ATP13A4: variants seen among roughly 807,000 people sequenced by gnomAD.
The protein encoded by ATP13A4 is probable cation-transporting ATPase 13A4.
In ATP13A4, 114 loss-of-function variants were observed where a neutral mutation model predicts 142.5. The ratio of observed to expected loss-of-function variants is 0.80; its 90% CI spans 0.69 to 0.93. The LOEUF (loss-of-function observed/expected upper bound fraction) is 0.93. Among genes scored for constraint, ATP13A4 ranks in the 40% least tolerant of loss-of-function variants. ATP13A4 has a pLI of 0.00. For synonymous variants in ATP13A4, 488 were observed against 514.8 expected, an observed-to-expected ratio of 0.95 and a Z score of 0.70; for missense variants, 1,392 against 1,454.0, an observed-to-expected ratio of 0.96 and a Z score of 0.69.
At chr3:193,476,323 C>T (rs543815610) in intron 8 of ATP13A4, among the ~76,000 whole-genome samples, 2 of 152,082 alleles carry the variant, frequency 1.3e-5, no homozygotes, top group East Asian at 1.9e-4. Flanking sequence ...CCAAACTCTG[C>T]TAGCTTCAGA....
intron 18 of ATP13A4, among the ~76,000 whole-genome samples, chr3:193,443,847 A>T (rs185647892): frequency 3.3e-4 from 51 of 152,316 alleles, no homozygotes; most frequent in African/African-American, 1.2e-3. Context: ...CCTGAAATTT[A>T]AAAAAATCAC....
In ATP13A4 at chr3:193,438,900, A is replaced by G. The variant is rs577939873; in HGVS notation, c.2562+123T>C. The G allele has an allele frequency of 6.6e-6, 7 of 1,055,674 alleles. No homozygotes were observed. In the African/African-American group the frequency reaches 1.1e-4, roughly 16 times the overall value. 65.4% of individuals were successfully genotyped at this position (1,055,674 alleles called of 1,614,324 possible). On this transcript the variant is annotated intron_variant, in intron 22 of 29. Transcript: ENST00000342695. ...TAAATGGTATATATGCCAGGAGTAT[A>G]CCTCTAAAGGGCTCGAGTATAAATG... is the stretch of plus-strand genomic sequence containing the variant.
chr3:193,414,581 G>T lies in ATP13A4; in HGVS notation c.3012C>A (p.His1004Gln), dbSNP rs1203700821. The T allele has an allele frequency of 6.2e-7, 1 of 1,613,544 alleles. No homozygotes were observed. The highest frequency in any genetic ancestry group is 1.3e-5 in the African/African-American group (1 of 74,886). Reference sequence around the variant, plus strand: ...AGAAGCTGAGACTATACTCATACCTGTGTATCTCCACGGAATACCAAGGCT... The same window carrying T: ...AGAAGCTGAGACTATACTCATACCTTTGTATCTCCACGGAATACCAAGGCT... ...QRQPWYSVEIHSACTVQNESI... is the reference protein window; with the variant it reads ...QRQPWYSVEIQSACTVQNESI... Residue 1004 changes from histidine to glutamine, a missense_variant and splice_region_variant, in exon 26 of 30, where the codon CAC (histidine) becomes CAA (glutamine). Coordinates refer to ENST00000342695, the MANE Select transcript of ATP13A4 (RefSeq NM_032279.4).
At position 193,441,465 on chromosome 3, in the gene ATP13A4, C is replaced by A; in HGVS notation, c.2439+1G>T. 3 of 1,613,696 alleles carry A rather than the reference C, an allele frequency of 1.9e-6. No individual in the cohort carries two copies. Among genetic ancestry groups the A allele is most frequent in the East Asian group, 2.2e-5 (1 of 44,796 alleles). ...GAGATTGTCACCCTCTTAGAACTTA[C>A]CTTTGGCAGTAGGCTGCTGAAATGT... On this transcript the variant is annotated splice_donor_variant, in intron 20 of 29. Transcript: ENST00000342695. LOFTEE classifies it high-confidence loss of function.
In ATP13A4 at chr3:193,400,889, T is replaced by G. The variant is rs1236300321; in HGVS notation, c.*1763A>C. Among the ~76,000 whole-genome samples the G allele has an allele frequency of 2.0e-5, 3 of 152,240 alleles. No homozygotes were observed. The highest frequency in any genetic ancestry group is 4.4e-5 in the Non-Finnish European group (3 of 68,038). ...TGAGAAACACTTTTAGAGAAGGACA[T>G]TCAGAACTGCCATATCATTGCTGAG... is the stretch of plus-strand genomic sequence containing the variant. On this transcript the variant is annotated 3_prime_UTR_variant, in exon 30 of 30. Coordinates refer to ENST00000342695, the MANE Select transcript of ATP13A4 (RefSeq NM_032279.4).
chr3:193,580,167 A>C lies in ATP13A4; in HGVS notation n.291+1540T>G, dbSNP rs1724507471. On this transcript the variant is annotated intron_variant and non_coding_transcript_variant, in intron 2 of 3. Coordinates refer to the ATP13A4 transcript ENST00000489140. ...ATTAAGAGCTTCTTGAGAGCTGTGG[A>C]TTCCTACAACCTCTCCTGCTGATAT... Among the ~76,000 whole-genome samples the C allele has an allele frequency of 2.0e-5, 3 of 152,196 alleles. No individual in the cohort carries two copies. In the South Asian group the frequency reaches 6.2e-4, roughly 31 times the overall value.
intron 1 of ATP13A4, among the ~76,000 whole-genome samples, chr3:193,534,591 G>A (rs1339477209): frequency 1.3e-5 from 2 of 152,096 alleles, no homozygotes; most frequent in Non-Finnish European, 2.9e-5. Flanking sequence ...TTAAAACTCA[G>A]TGAATGGACT....
intron 2 of ATP13A4, 73 bp from the exon 3 acceptor site, chr3:193,502,712 T>C: frequency 1.4e-6 from 2 of 1,421,592 alleles, no homozygotes; most frequent in Non-Finnish European, 2.0e-6. Flanking sequence ...CTGAGAAACA[T>C]CATTTTAATA....
intron 19 of ATP13A4, 147 bp from the exon 20 acceptor site, chr3:193,441,735 C>T (rs1244948772): frequency 3.1e-5 from 28 of 914,842 alleles, no homozygotes; most frequent in Non-Finnish European, 4.6e-5. Flanking sequence ...TTTCTTTTTG[C>T]TGGATCAATC....
chr3:193,550,759 T>C (rs1221425100), intron 1 of ATP13A4, among the ~76,000 whole-genome samples: 4 of 152,224 alleles, frequency 2.6e-5, no homozygotes, highest in African/African-American at 4.8e-5. Context: ...TTTTGTCTTA[T>C]TTGTTAAGGC....
At chr3:193,435,592 T>C (rs1716219784) in intron 24 of ATP13A4, 56 bp downstream of exon 24, 5 of 1,346,448 alleles carry the variant, frequency 3.7e-6, no homozygotes, top group Middle Eastern at 1.8e-4. Context: ...AAATTGAGAG[T>C]GCACCGCTAC....
Position 193,457,421 on chromosome 3 carries a change from C to T in ATP13A4, c.1719G>A (p.Pro573=), listed in dbSNP as rs375966598. The T allele has an allele frequency of 8.1e-6, 13 of 1,614,062 alleles. No homozygotes were observed. Among genetic ancestry groups the T allele is most frequent in the Non-Finnish European group, 9.3e-6 (11 of 1,180,030 alleles). The change falls in exon 15 of 30, where the codon CCG becomes CCA. Residue 573 remains proline, a synonymous_variant. Coordinates refer to ENST00000342695, the MANE Select transcript of ATP13A4 (RefSeq NM_032279.4). ...AGGGCTTAACTACCATGGCATGTGCCGGCACTCCCTTGATGTGGAAATCGT... is the reference window on the plus strand; with the variant it reads ...AGGGCTTAACTACCATGGCATGTGCTGGCACTCCCTTGATGTGGAAATCGT... ...SGDDFHIKGV[P]AHAMVVKPCR... is the part of the protein sequence containing the mutation.
In ATP13A4 at chr3:193,476,594, C is replaced by T. The variant is rs1268077415; in HGVS notation, c.809-5601G>A. Reference sequence around the variant, plus strand: ...TGGCTAACTGGTGCAAGAGTCCCAGCTTTCAGTGTATCTCAGCTTTCAACA... The same window carrying T: ...TGGCTAACTGGTGCAAGAGTCCCAGTTTTCAGTGTATCTCAGCTTTCAACA... On this transcript the variant is annotated intron_variant, in intron 8 of 29. Coordinates refer to ENST00000342695, the MANE Select transcript of ATP13A4 (RefSeq NM_032279.4). Among the ~76,000 whole-genome samples, 6 of 152,126 alleles carry T rather than the reference C, an allele frequency of 3.9e-5. 1 individual carries two copies. Among genetic ancestry groups the T allele is most frequent in the African/African-American group, 1.5e-4 (6 of 41,368 alleles).
chr3:193,412,349 T>C lies in ATP13A4; in HGVS notation c.3037A>G (p.Ser1013Gly). Reference protein sequence around the residue: ...IHSACTVQNESISELTMSPTA... With the variant: ...IHSACTVQNEGISELTMSPTA... ...GGAGACATGGTTAACTCTGAGATGCTTTCATTTTGTACTGTGCAGGCACTA... is the reference window on the plus strand; with the variant it reads ...GGAGACATGGTTAACTCTGAGATGCCTTCATTTTGTACTGTGCAGGCACTA... The change falls in exon 27 of 30, where the codon AGC (serine) becomes GGC (glycine). Residue 1013 changes from serine (S) to glycine (G), a missense_variant. By Grantham distance (56) the Ser-to-Gly change is moderately conservative. Transcript: ENST00000342695. 6.2e-7 allele frequency: 1 copy of C among 1,614,168 alleles called. No individual in the cohort carries two copies.
rs1193066803 is a variant in ATP13A4 at position 193,573,306 on chromosome 3, TAC to T, written n.291+8399_291+8400del. On this transcript the variant is annotated intron_variant and non_coding_transcript_variant, in intron 2 of 3. Transcript: ENST00000489140. ...ATATATATACACATATATATATATATACATATATATATATATATATAATTTGT... is the reference window on the plus strand; with the variant it reads ...ATATATATACACATATATATATATATATATATATATATATATATAATTTGT... Among the ~76,000 whole-genome samples, 938 of 131,804 alleles carry T rather than the reference TAC, an allele frequency of 7.1e-3. 74 individuals are homozygous for T. Among genetic ancestry groups the T allele is most frequent in the African/African-American group, 0.018 (573 of 31,838 alleles). 86.5% of individuals were successfully genotyped at this position (131,804 alleles called of 152,430 possible). A position where few individuals can be genotyped will look rare whatever the true frequency, so the allele number is the denominator to read the frequency against.
At chr3:193,553,316 C>T (rs1036482105) in intron 1 of ATP13A4, 1 of 152,090 alleles carries the variant, frequency 6.6e-6, no homozygotes, top group Non-Finnish European at 1.5e-5. Context: ...CCATGAATGT[C>T]TTCTGGAAAA....
At chr3:193,455,582 G>A (rs1249955102) in intron 16 of ATP13A4, among the ~76,000 whole-genome samples, 2 of 152,182 alleles carry the variant, frequency 1.3e-5, no homozygotes, top group Non-Finnish European at 2.9e-5. Context: ...ATACACTGTT[G>A]GTGGGAGTGT....
chr3:193,483,896 C>T, intron 8 of ATP13A4, 40 bp downstream of exon 8: 1 of 1,390,386 alleles, frequency 7.2e-7, no homozygotes, highest in Admixed American at 1.7e-5. Context: ...TTTTCTGATT[C>T]CATGTGAATA....
At position 193,514,796 on chromosome 3, in the gene ATP13A4, G is replaced by C; in HGVS notation, c.136C>G (p.Leu46Val). The C allele has an allele frequency of 6.2e-7, 1 of 1,614,222 alleles. No individual in the cohort carries two copies. The highest frequency in any genetic ancestry group is 2.2e-5 in the East Asian group (1 of 44,880). ...GGTCTCCAGTAAAACACCAAGGGGA[G>C]GATTCCAAATGAGAAGATGGATCCG... ...LAGSIFSFGI[L>V]PLVFYWRPAW... is the part of the protein sequence containing the mutation. Residue 46 changes from leucine to valine, a missense_variant, in exon 2 of 30, where the codon CTC becomes GTC. Physicochemically the swap from Leu to Val is conservative, Grantham distance 32. Transcript: ENST00000342695.
Sources: allele counts gnomAD v4.1 joint callset (sites outside exome capture counted in the v4.1 genomes callset), GRCh38; gene constraint gnomAD v4.1.1; transcripts MANE v1.5; gene names NCBI Gene and HGNC (gene_info 2026-07-23, HGNC 2026-07-21).